The following HTR1F variants were observed in gnomAD, a reference collection of about 807,000 sequenced individuals.
HTR1F encodes 5-hydroxytryptamine receptor 1F, also known as 5-hydroxytryptamine (serotonin) receptor 1F, G protein-coupled.
In HTR1F, 17 loss-of-function variants were observed where a neutral mutation model predicts 24.0. The ratio of observed to expected loss-of-function variants is 0.71; its 90% CI spans 0.48 to 1.06. HTR1F has a LOEUF of 1.06. HTR1F is among the 50% of genes least tolerant of loss of function. The pLI is 0.00. For synonymous variants in HTR1F, 186 were observed against 156.8 expected, an observed-to-expected ratio of 1.19 and a Z score of -1.39; for missense variants, 391 against 427.8, an observed-to-expected ratio of 0.91 and a Z score of 0.76.
rs1576082195 is a variant in HTR1F at position 87,952,385 on chromosome 3, A to G, written c.-42-38323A>G. Among the ~76,000 whole-genome samples the G allele has an allele frequency of 2.0e-5, 3 of 152,152 alleles. No individual in the cohort carries two copies. The East Asian group carries it at 5.8e-4, about 29-fold the overall frequency. On this transcript the variant is annotated intron_variant, in intron 2 of 2. Coordinates refer to ENST00000319595, the MANE Select transcript of HTR1F (RefSeq NM_001322209.2). ...GCTACCAGAATTGCAGAATCTCATT[A>G]ATACAATACAATACAGATGTTGATA...
At chr3:87,856,220 G>GAA (rs201830581) in intron 2 of HTR1F, among the ~76,000 whole-genome samples, 1 of 151,592 alleles carries the variant, frequency 6.6e-6, no homozygotes, top group African/African-American at 2.4e-5. Flanking sequence ...TTTATTTATA[G>GAA]AAAAAAACAG....
At chr3:87,953,147 A>G (rs1704870936) in intron 2 of HTR1F, among the ~76,000 whole-genome samples, 1 of 151,820 alleles carries the variant, frequency 6.6e-6, no homozygotes, top group African/African-American at 2.4e-5. Context: ...CTAAGCAAAT[A>G]TATTATAACT....
chr3:87,795,876 A>G lies in HTR1F; in HGVS notation c.-160+3034A>G, dbSNP rs146821322. Among the ~76,000 whole-genome samples, 26 of 152,330 alleles carry G rather than the reference A, an allele frequency of 1.7e-4. No homozygotes were observed. The East Asian group carries it at 5.0e-3, about 29-fold the overall frequency. ...GAAATAGGCAAAAATTACATCAATG[A>G]GTATGAAAAAGGGGAAACTCTATTA... On this transcript the variant is annotated intron_variant, in intron 1 of 2. Coordinates refer to ENST00000319595, the MANE Select transcript of HTR1F (RefSeq NM_001322209.2).
chr3:87,895,726 T>G (rs1706183727), intron 2 of HTR1F, among the ~76,000 whole-genome samples: 1 of 152,216 alleles, frequency 6.6e-6, no homozygotes, highest in South Asian at 2.1e-4. Flanking sequence ...TATGTCATAC[T>G]TGTAGATAAA....
At chr3:87,818,603 C>T (rs192033341) in intron 1 of HTR1F, among the ~76,000 whole-genome samples, 7 of 152,300 alleles carry the variant, frequency 4.6e-5, no homozygotes, top group East Asian at 1.9e-4. Flanking sequence ...GGCTCCTCCA[C>T]GGCCCCTCTC....
intron 2 of HTR1F, among the ~76,000 whole-genome samples, chr3:87,824,040 C>T (rs1422898789): frequency 7.2e-6 from 1 of 138,762 alleles, no homozygotes; most frequent in Admixed American, 6.7e-5. Flanking sequence ...GGTGAGACTC[C>T]GCCTAAAAAA....
intron 2 of HTR1F, among the ~76,000 whole-genome samples, chr3:87,850,275 GC>G (rs1705053783): frequency 6.6e-6 from 1 of 151,886 alleles, no homozygotes; most frequent in South Asian, 2.1e-4. Context: ...ATACTATGCA[GC>G]CATAAAAAAT....
intron 2 of HTR1F, among the ~76,000 whole-genome samples, chr3:87,942,273 G>C (rs750888690): frequency 1.3e-5 from 2 of 152,134 alleles, no homozygotes; most frequent in Non-Finnish European, 2.9e-5. Context: ...CTTAGTGGCT[G>C]GGGGAAGTAT....
intron 2 of HTR1F, among the ~76,000 whole-genome samples, chr3:87,932,773 T>G (rs1468167579): frequency 1.3e-5 from 2 of 151,478 alleles, no homozygotes; most frequent in Non-Finnish European, 2.9e-5. Context: ...CTACCAGAGG[T>G]ACAAGGAGGA....
intron 2 of HTR1F, among the ~76,000 whole-genome samples, chr3:87,939,977 T>G (rs528462243): frequency 6.6e-6 from 1 of 152,388 alleles, no homozygotes; most frequent in Admixed American, 6.5e-5. Flanking sequence ...TTTAGATCTT[T>G]CCTGCATTCT....
intron 2 of HTR1F, among the ~76,000 whole-genome samples, chr3:87,885,421 C>T (rs538800910): frequency 3.7e-4 from 57 of 152,138 alleles, no homozygotes; most frequent in African/African-American, 9.4e-4. Flanking sequence ...CCTAACATCA[C>T]AATTAAAAGA....
intron 2 of HTR1F, among the ~76,000 whole-genome samples, chr3:87,928,903 A>C (rs1242108709): frequency 6.6e-6 from 1 of 152,168 alleles, no homozygotes; most frequent in Non-Finnish European, 1.5e-5. Flanking sequence ...TCAGTGAAAA[A>C]GAGCTGTCTG....
chr3:87,824,759 T>C (rs1312004243), intron 2 of HTR1F, among the ~76,000 whole-genome samples: 1 of 152,226 alleles, frequency 6.6e-6, no homozygotes, highest in Non-Finnish European at 1.5e-5. Flanking sequence ...AAATACATTC[T>C]TGGAATTACT....
intron 2 of HTR1F, among the ~76,000 whole-genome samples, chr3:87,963,252 C>A (rs1705099201): frequency 6.6e-6 from 1 of 152,008 alleles, no homozygotes; most frequent in South Asian, 2.1e-4. Flanking sequence ...CAAGCCAAAT[C>A]TATCCTAAGA....
At chr3:87,945,858 C>T (rs190731103) in intron 2 of HTR1F, among the ~76,000 whole-genome samples, 11 of 150,460 alleles carry the variant, frequency 7.3e-5, no homozygotes, top group Non-Finnish European at 1.5e-4. Flanking sequence ...CAAAATGTTA[C>T]CGGGGGGGTC....
chr3:87,925,802 C>A (rs969967283), intron 2 of HTR1F, among the ~76,000 whole-genome samples: 1 of 152,066 alleles, frequency 6.6e-6, no homozygotes, highest in Non-Finnish European at 1.5e-5. Flanking sequence ...AGAGATCTCC[C>A]CTTTACCATT....
intron 2 of HTR1F, among the ~76,000 whole-genome samples, chr3:87,866,235 A>G (rs1479370427): frequency 6.6e-6 from 1 of 152,230 alleles, no homozygotes; most frequent in Non-Finnish European, 1.5e-5. Flanking sequence ...CTCAAATGCA[A>G]AAGCAAATAT....
At chr3:87,975,166 A>G (rs1705366919) in intron 2 of HTR1F, among the ~76,000 whole-genome samples, 1 of 152,176 alleles carries the variant, frequency 6.6e-6, no homozygotes, top group African/African-American at 2.4e-5. Flanking sequence ...TCTAGAAGTA[A>G]TCAGAGTAAC....
At chr3:87,801,961 A>G (rs1361541952) in intron 1 of HTR1F, among the ~76,000 whole-genome samples, 1 of 152,124 alleles carries the variant, frequency 6.6e-6, no homozygotes, top group African/African-American at 2.4e-5. Flanking sequence ...AGAAAAATAT[A>G]TAAAGCATGG....
Sources: allele counts gnomAD v4.1 joint callset (sites outside exome capture counted in the v4.1 genomes callset), GRCh38; gene constraint gnomAD v4.1.1; transcripts MANE v1.5; gene names NCBI Gene and HGNC (gene_info 2026-07-23, HGNC 2026-07-21).